Variants in UBE3C observed in about 807,000 individuals in gnomAD.
UBE3C encodes ubiquitin-protein ligase E3C.
In UBE3C, 42 loss-of-function variants were observed where a neutral mutation model predicts 129.4. The observed-to-expected ratio is 0.32, with a 90% CI of 0.25 to 0.42. The LOEUF (loss-of-function observed/expected upper bound fraction) is 0.42, where lower values mean the gene tolerates loss of function less well. Among genes scored for constraint, UBE3C ranks in the 10% least tolerant of loss-of-function variants. The pLI is 1.00. For missense variants in UBE3C, 1,049 were observed against 1,319.1 expected (o/e 0.80, Z 3.17); for synonymous variants, 510 against 492.4 (o/e 1.04, Z -0.47).
chr7:157,170,047 T>G (rs1808322919), intron 3 of UBE3C, among the ~76,000 whole-genome samples: 1 of 151,642 alleles, frequency 6.6e-6, no homozygotes, highest in Non-Finnish European at 1.5e-5. Flanking sequence ...CTTGAACTCC[T>G]GACCTCAGGT....
At chr7:157,148,282 T>A (rs1271740666) in intron 1 of UBE3C, among the ~76,000 whole-genome samples, 2 of 152,182 alleles carry the variant, frequency 1.3e-5, no homozygotes, top group African/African-American at 4.8e-5. Flanking sequence ...TTTGTATTTT[T>A]AGTAGAGATG....
At chr7:157,261,475 CATAT>C (rs1563079371) in intron 22 of UBE3C, among the ~76,000 whole-genome samples, 9 of 151,872 alleles carry the variant, frequency 5.9e-5, no homozygotes, top group Non-Finnish European at 1.0e-4. Context: ...AATGTTCTAA[CATAT>C]GTGAAATTTA....
At chr7:157,266,996 C>T (rs79674821) in intron 22 of UBE3C, among the ~76,000 whole-genome samples, 2,720 of 152,318 alleles carry the variant, frequency 0.018, 82 homozygotes, top group African/African-American at 0.062. Flanking sequence ...CCAGCTAGGC[C>T]TCCCAAAGTG....
intron 5 of UBE3C, among the ~76,000 whole-genome samples, chr7:157,176,649 A>T (rs1808526894): frequency 6.6e-6 from 1 of 152,136 alleles, no homozygotes; most frequent in Non-Finnish European, 1.5e-5. Context: ...GGTCTCATGT[A>T]TTTTTTAAAA....
chr7:157,225,382 C>T (rs778195371), intron 16 of UBE3C, 25 bp from the exon 17 acceptor site: 1 of 1,586,086 alleles, frequency 6.3e-7, no homozygotes, highest in South Asian at 1.2e-5. Context: ...TTTCTAATAA[C>T]CTTACAGCTT....
At chr7:157,250,995 G>A (rs1367281673) in intron 19 of UBE3C, among the ~76,000 whole-genome samples, 2 of 152,196 alleles carry the variant, frequency 1.3e-5, no homozygotes, top group African/African-American at 4.8e-5. Flanking sequence ...AAGCAAAAGT[G>A]TGAAGTTAAG....
At chr7:157,189,957 T>C (rs560813003) in intron 10 of UBE3C, among the ~76,000 whole-genome samples, 45 of 152,224 alleles carry the variant, frequency 3.0e-4, no homozygotes, top group South Asian at 1.0e-3. Flanking sequence ...CCCATCACCA[T>C]GCCCAGCTAA....
intron 18 of UBE3C, among the ~76,000 whole-genome samples, chr7:157,232,718 A>G (rs920350449): frequency 1.3e-5 from 2 of 152,248 alleles, no homozygotes; most frequent in Non-Finnish European, 2.9e-5. Flanking sequence ...TGTAAGAATC[A>G]GAGCTATAAT....
chr7:157,253,354 G>A (rs1403779496), intron 19 of UBE3C, among the ~76,000 whole-genome samples: 7 of 152,204 alleles, frequency 4.6e-5, no homozygotes. Context: ...CGTTATACCT[G>A]CAAATTCTGT....
At chr7:157,146,000 A>G (rs767829330) in intron 1 of UBE3C, among the ~76,000 whole-genome samples, 11 of 152,100 alleles carry the variant, frequency 7.2e-5, no homozygotes, top group Non-Finnish European at 1.5e-4. Flanking sequence ...AGCCAAGGTA[A>G]CCTAGATTTT....
chr7:157,182,993 C>A (rs12671829), intron 8 of UBE3C, among the ~76,000 whole-genome samples: 25,209 of 152,104 alleles, frequency 0.17, 2,345 homozygotes, highest in East Asian at 0.35. Flanking sequence ...GTGATCCACC[C>A]GCCTCGGCTT....
chr7:157,218,759 C>A (rs1286851533), intron 14 of UBE3C, among the ~76,000 whole-genome samples: 2 of 152,100 alleles, frequency 1.3e-5, no homozygotes, highest in Non-Finnish European at 2.9e-5. Context: ...AGCGAGGAAG[C>A]TATTGCAGGG....
chr7:157,200,943 G>A (rs1013747108), intron 10 of UBE3C, among the ~76,000 whole-genome samples: 1 of 151,936 alleles, frequency 6.6e-6, no homozygotes, highest in Non-Finnish European at 1.5e-5. Context: ...CATTTTTTTA[G>A]ATTTATTTTT....
intron 22 of UBE3C, among the ~76,000 whole-genome samples, chr7:157,260,495 G>T (rs762847788): frequency 2.0e-5 from 3 of 152,218 alleles, no homozygotes; most frequent in Non-Finnish European, 4.4e-5. Flanking sequence ...TGGTGGCAGA[G>T]TCTGGAGGGC....
chr7:157,150,378 C>CAAA (rs34169017), intron 1 of UBE3C, among the ~76,000 whole-genome samples: 1 of 136,724 alleles, frequency 7.3e-6, no homozygotes, highest in Non-Finnish European at 1.6e-5. Flanking sequence ...GACTCTGTCT[C>CAAA]AAAAAAAAAA....
At chr7:157,189,323 A>G (rs1808890905) in intron 10 of UBE3C, 1 of 194,910 alleles carries the variant, frequency 5.1e-6, no homozygotes. Context: ...TTTTAGATAT[A>G]TTACCATTGG....
intron 10 of UBE3C, chr7:157,192,645 AG>A: frequency 1.3e-6 from 1 of 766,480 alleles, no homozygotes; most frequent in Non-Finnish European, 2.4e-6. Context: ...TAAGCGCAAG[AG>A]AAAGAAGGGG....
chr7:157,178,912 C>A, intron 6 of UBE3C, 65 bp downstream of exon 6: 1 of 1,572,246 alleles, frequency 6.4e-7, no homozygotes. Context: ...AGAGGCCAGC[C>A]TGCTGCTGTG....
intron 19 of UBE3C, among the ~76,000 whole-genome samples, chr7:157,252,618 A>G (rs1796646228): frequency 6.6e-6 from 1 of 152,248 alleles, no homozygotes; most frequent in African/African-American, 2.4e-5. Context: ...CATCAGCTGT[A>G]GGATGACTTA....
Sources: allele counts gnomAD v4.1 joint callset (sites outside exome capture counted in the v4.1 genomes callset), GRCh38; gene constraint gnomAD v4.1.1; transcripts MANE v1.5; gene names NCBI Gene and HGNC (gene_info 2026-07-23, HGNC 2026-07-21).